Variants in LRCH1 observed in about 807,000 individuals in gnomAD.
LRCH1 encodes the protein leucine-rich repeat and calponin homology domain-containing protein 1.
LRCH1 carries 23 observed loss-of-function variants against 94.9 expected under a neutral mutation model. The observed-to-expected ratio is 0.24, with a 90% confidence interval of 0.17 to 0.34. The LOEUF (loss-of-function observed/expected upper bound fraction) is 0.34, where lower values mean the gene tolerates loss of function less well. Among genes scored for constraint, LRCH1 ranks in the 10% least tolerant of loss-of-function variants. The probability of loss-of-function intolerance (pLI) is 1.00; values close to 1 mark genes in which losing one functional copy is unlikely to be tolerated. For missense variants in LRCH1, 790 were observed against 945.9 expected, an observed-to-expected ratio of 0.84 and a Z score of 2.16; for synonymous variants, 364 against 354.9, an observed-to-expected ratio of 1.03 and a Z score of -0.29.
intron 1 of LRCH1, among the ~76,000 whole-genome samples, chr13:46,574,846 T>G (rs1445187460): frequency 1.4e-5 from 2 of 138,350 alleles, no homozygotes; most frequent in Non-Finnish European, 1.5e-5. Context: ...TTTTTTTTTT[T>G]GGTGTATGGG....
chr13:46,736,229 C>T (rs964986292), intron 19 of LRCH1, among the ~76,000 whole-genome samples: 6 of 151,472 alleles, frequency 4.0e-5, no homozygotes, highest in Middle Eastern at 3.4e-3. Flanking sequence ...TTCTACTAGA[C>T]AAAAAGTGTG....
chr13:46,636,059 CTTTTTTTT>C (rs34118906), intron 1 of LRCH1, among the ~76,000 whole-genome samples: 1 of 73,534 alleles, frequency 1.4e-5, no homozygotes, highest in Admixed American at 2.2e-4. Context: ...CCATGTCAAC[CTTTTTTTT>C]TTTTTTTTTT....
intron 3 of LRCH1, chr13:46,679,826 G>C (rs942888755): frequency 2.0e-5 from 3 of 152,378 alleles, no homozygotes; most frequent in Non-Finnish European, 4.4e-5. Flanking sequence ...GAGTGATACT[G>C]TTCCTCTTCA....
At chr13:46,584,804 G>T (rs2137948868) in intron 1 of LRCH1, among the ~76,000 whole-genome samples, 2 of 152,272 alleles carry the variant, frequency 1.3e-5, no homozygotes, top group Middle Eastern at 6.8e-3. Context: ...AAACCCACAT[G>T]CAATCGATTA....
intron 9 of LRCH1, among the ~76,000 whole-genome samples, chr13:46,695,961 T>A (rs1871158121): frequency 6.6e-6 from 1 of 152,156 alleles, no homozygotes. Flanking sequence ...ATTACAGAAG[T>A]TGTGTAGAAG....
At chr13:46,628,250 AT>A (rs2050974652) in intron 1 of LRCH1, among the ~76,000 whole-genome samples, 1 of 152,158 alleles carries the variant, frequency 6.6e-6, no homozygotes, top group African/African-American at 2.4e-5. Flanking sequence ...GTAAGGAAGG[AT>A]ATGAGGCTGG....
chr13:46,746,563 G>A (rs1195873277), downstream of LRCH1, among the ~76,000 whole-genome samples: 1 of 152,160 alleles, frequency 6.6e-6, no homozygotes, highest in African/African-American at 2.4e-5. Flanking sequence ...GGCAAACTAA[G>A]AGTCTACTGT....
intron 1 of LRCH1, among the ~76,000 whole-genome samples, chr13:46,621,831 A>G (rs944888446): frequency 2.0e-5 from 3 of 152,048 alleles, no homozygotes; most frequent in Non-Finnish European, 2.9e-5. Context: ...ATTATAACAA[A>G]AAAGAAGTCA....
intron 13 of LRCH1, among the ~76,000 whole-genome samples, chr13:46,709,254 A>C (rs747952348): frequency 6.6e-6 from 1 of 152,180 alleles, no homozygotes; most frequent in Admixed American, 6.5e-5. Context: ...ATATCCTCCT[A>C]AAGTAGGAAA....
At chr13:46,661,396 A>G (rs2051446251) in intron 2 of LRCH1, among the ~76,000 whole-genome samples, 1 of 152,220 alleles carries the variant, frequency 6.6e-6, no homozygotes, top group South Asian at 2.1e-4. Flanking sequence ...CCTTATATAT[A>G]TTAGCCAAGA....
In LRCH1 at chr13:46,696,423, T is replaced by C. The variant is rs1871193251; in HGVS notation, c.1245+1406T>C. Among the ~76,000 whole-genome samples the C allele has an allele frequency of 3.9e-5, 6 of 152,318 alleles. No individual in the cohort carries two copies. The South Asian group carries it at 1.2e-3, about 32-fold the overall frequency. The stretch of plus-strand genomic sequence containing the variant: ...TTAAGTTAAGAATCTAAGGTAAAGA[T>C]GGAAACCCTGAAGAATGTGTTAAGA... On this transcript the variant is annotated intron_variant, in intron 9 of 19. Transcript: ENST00000389797.
intron 3 of LRCH1, among the ~76,000 whole-genome samples, chr13:46,672,499 C>G (rs1362384181): frequency 6.6e-6 from 1 of 152,126 alleles, no homozygotes; most frequent in African/African-American, 2.4e-5. Context: ...CTGTGTCAAC[C>G]AGCTCATCTG....
chr13:46,609,654 G>A (rs1594283122), intron 1 of LRCH1, among the ~76,000 whole-genome samples: 1 of 152,186 alleles, frequency 6.6e-6, no homozygotes, highest in Non-Finnish European at 1.5e-5. Flanking sequence ...GTGAAGGTGT[G>A]TGTGTTAGGA....
At chr13:46,582,721 G>A (rs535326208) in intron 1 of LRCH1, among the ~76,000 whole-genome samples, 34 of 133,454 alleles carry the variant, frequency 2.5e-4, no homozygotes, top group African/African-American at 8.5e-4. Flanking sequence ...GGCTGGTCTT[G>A]AACTTCTCAG....
At chr13:46,684,500 T>C (rs7988743) in intron 4 of LRCH1, among the ~76,000 whole-genome samples, 86,334 of 152,010 alleles carry the variant, frequency 0.57, 25,079 homozygotes, top group African/African-American at 0.67. Context: ...GGCAAAGAAT[T>C]GCTAAAGATC....
chr13:46,712,420 A>G (rs559113736), intron 14 of LRCH1, 105 bp from the exon 15 acceptor site: 1 of 862,954 alleles, frequency 1.2e-6, no homozygotes, highest in Non-Finnish European at 1.9e-6. Flanking sequence ...AGCGAATGCA[A>G]AAAGGGAGTA....
At chr13:46,590,460 C>T (rs1162178569) in intron 1 of LRCH1, among the ~76,000 whole-genome samples, 2 of 152,088 alleles carry the variant, frequency 1.3e-5, no homozygotes, top group African/African-American at 4.8e-5. Flanking sequence ...TTTCTTGAAA[C>T]CCAATATAAT....
exon 19 of LRCH1, chr13:46,751,110 T>C (rs1355932869): frequency 6.6e-6 from 1 of 152,232 alleles, no homozygotes; most frequent in Non-Finnish European, 1.5e-5. Context: ...TAAAAAACTA[T>C]TTTCGACATA....
rs565443153 is a variant in LRCH1 at position 46,554,903 on chromosome 13, C to T, written c.307+1200C>T. On this transcript the variant is annotated intron_variant, in intron 1 of 19. Transcript: ENST00000389797. ...CCTGGGTCTTGGATGGGTTGACTCTCATCACAGGAGCACCCAGTTTAATCT... is the reference window on the plus strand; with the variant it reads ...CCTGGGTCTTGGATGGGTTGACTCTTATCACAGGAGCACCCAGTTTAATCT... Among the ~76,000 whole-genome samples, 696 of 152,332 alleles carry T rather than the reference C, an allele frequency of 4.6e-3. 3 individuals carry two copies. The highest frequency in any genetic ancestry group is 6.3e-3 in the Non-Finnish European group (432 of 68,032).
Sources: gnomAD v4.1 joint callset for allele counts (sites outside exome capture counted in the v4.1 genomes callset) on GRCh38, gnomAD v4.1.1 for gene constraint, MANE v1.5 for transcripts, NCBI Gene and HGNC (gene_info 2026-07-23, HGNC 2026-07-21) for gene names.